The following SPATA21 variants were observed in gnomAD, a reference collection of about 807,000 sequenced individuals.
The protein encoded by SPATA21 is spermatogenesis-associated protein 21.
In SPATA21, 47 loss-of-function variants were observed where a neutral mutation model predicts 54.8. That is an observed-to-expected ratio of 0.86 (90% CI 0.68 to 1.09). The LOEUF is 1.09. Ranked by LOEUF, SPATA21 falls within the 50% of genes least tolerant of loss-of-function variation. SPATA21 has a pLI of 0.00. For missense variants in SPATA21, 599 were observed against 596.4 expected (o/e 1.00, Z -0.05); for synonymous variants, 245 against 235.3 (o/e 1.04, Z -0.38).
intron 5 of SPATA21, among the ~76,000 whole-genome samples, chr1:16,414,332 G>C (rs531404562): frequency 3.9e-5 from 6 of 152,090 alleles, no homozygotes; most frequent in African/African-American, 1.4e-4. Flanking sequence ...GCCACTCAAA[G>C]TGTTGGGATT....
chr1:16,431,853 GGCT>G (rs2086465898), intron 2 of SPATA21, among the ~76,000 whole-genome samples: 6 of 152,142 alleles, frequency 3.9e-5, no homozygotes, highest in African/African-American at 1.2e-4. Flanking sequence ...AAATGATACA[GGCT>G]CTTTCCTGTA....
intron 5 of SPATA21, among the ~76,000 whole-genome samples, chr1:16,414,749 C>A (rs2100834649): frequency 6.6e-6 from 1 of 151,714 alleles, no homozygotes; most frequent in South Asian, 2.1e-4. Flanking sequence ...ACAAAATTAG[C>A]TGGGGTTGTT....
chr1:16,398,352 G>T (rs1217197958), downstream of SPATA21, among the ~76,000 whole-genome samples: 1 of 152,070 alleles, frequency 6.6e-6, no homozygotes, highest in Non-Finnish European at 1.5e-5. Context: ...CTCTGTCGGG[G>T]GAGCATGCAG....
In SPATA21 at chr1:16,409,266, G is replaced by T. The variant is rs145148928; in HGVS notation, c.588-63C>A. The T allele has an allele frequency of 3.1e-4, 489 of 1,586,958 alleles. No homozygotes were observed. The African/African-American group carries it at 6.0e-3, about 20-fold the overall frequency. On this transcript the variant is annotated intron_variant, in intron 6 of 12. Transcript: ENST00000335496. This position sits in a 1 kb window ranked among gnomAD's most constrained non-coding sequence, Gnocchi z 4.1. ...GCCGCCCACCCTGCTGATAGCTAGGGGAGGGGTTGGGGGAGCCTGCAGGAG... is the reference window on the plus strand; with the variant it reads ...GCCGCCCACCCTGCTGATAGCTAGGTGAGGGGTTGGGGGAGCCTGCAGGAG...
intron 3 of SPATA21, among the ~76,000 whole-genome samples, chr1:16,423,539 C>CTTTTTTTT (rs966239575): frequency 9.0e-6 from 1 of 111,662 alleles, no homozygotes. Context: ...TCTCTCTCTC[C>CTTTTTTTT]TTTTTTTTTT....
In SPATA21 at chr1:16,432,893, T is replaced by G. The variant is rs1185169922; in HGVS notation, c.-155A>C. ...CTGGAAACCTTTGTAAACAGTATTC[T>G]CCTAACAGCCCTGTGAAGTCTGGGT... On this transcript the variant is annotated 5_prime_UTR_variant, in exon 2 of 13. Transcript: ENST00000335496. The G allele has an allele frequency of 6.6e-6, 1 of 152,190 alleles. No individual in the cohort carries two copies. Among genetic ancestry groups the G allele is most frequent in the African/African-American group, 2.4e-5 (1 of 41,444 alleles). The allele number at this position is 152,190 out of a possible 1,614,324, so 9.4% of individuals were successfully genotyped here. A position where few individuals can be genotyped will look rare whatever the true frequency, so the allele number is the denominator to read the frequency against.
intron 11 of SPATA21, chr1:16,400,429 GGAT>G: frequency 2.7e-6 from 3 of 1,112,932 alleles, no homozygotes; most frequent in Non-Finnish European, 2.2e-6. Flanking sequence ...CAGTGAGCTG[GGAT>G]TGCTAATCTC....
At chr1:16,400,046 GAC>G (rs2085396506) in intron 11 of SPATA21, among the ~76,000 whole-genome samples, 1 of 151,122 alleles carries the variant, frequency 6.6e-6, no homozygotes, top group Non-Finnish European at 1.5e-5. Flanking sequence ...TTTTTTTTGA[GAC>G]AGAGTTTTGC....
At chr1:16,403,529 C>T (rs1651643583) in intron 10 of SPATA21, among the ~76,000 whole-genome samples, 198 bp downstream of exon 10, 1 of 148,292 alleles carries the variant, frequency 6.7e-6, no homozygotes, top group Non-Finnish European at 1.5e-5. Flanking sequence ...CACTCTGTCA[C>T]CCAGGCTGGA....
chr1:16,425,521 T>G, intron 3 of SPATA21: 1 of 1,548,594 alleles, frequency 6.5e-7, no homozygotes, highest in Non-Finnish European at 8.7e-7. Context: ...TCTCCTAGGT[T>G]ACCTGGCAGC....
chr1:16,421,144 G>T lies in SPATA21; in HGVS notation c.144+365C>A, dbSNP rs185210121. On this transcript the variant is annotated intron_variant, in intron 5 of 12. Transcript: ENST00000335496. The surrounding 1 kb of genome is among the most constrained non-coding windows in gnomAD (Gnocchi z 5.2). ...GGAAGGATGGCTGGGAGGGGTCGGGGAAGCCTCCCAGGTGTTCAGGGATGC... is the reference window on the plus strand; with the variant it reads ...GGAAGGATGGCTGGGAGGGGTCGGGTAAGCCTCCCAGGTGTTCAGGGATGC... Among the ~76,000 whole-genome samples, 30 of 152,164 alleles carry T rather than the reference G, an allele frequency of 2.0e-4. No homozygotes were observed. The highest frequency in any genetic ancestry group is 2.9e-4 in the Non-Finnish European group (20 of 67,968).
chr1:16,433,309 A>G (rs1259733667), intron 1 of SPATA21, among the ~76,000 whole-genome samples: 1 of 152,156 alleles, frequency 6.6e-6, no homozygotes, highest in Non-Finnish European at 1.5e-5. Flanking sequence ...AGCAGACCTC[A>G]GCTGGTTTGG....
intron 3 of SPATA21, among the ~76,000 whole-genome samples, chr1:16,427,332 A>G (rs145498569): frequency 7.9e-5 from 12 of 152,276 alleles, no homozygotes; most frequent in Non-Finnish European, 1.3e-4. Flanking sequence ...GCTTCTGGTT[A>G]TAGTCAAATC....
Position 16,431,600 on chromosome 1 carries a change from G to A in SPATA21, c.-51-178C>T, listed in dbSNP as rs550692264. ...CTAGCCACATGCCATTTACCCATAC[G>A]CTTTTCCTAGTTCTCACTATGACCC... is the stretch of plus-strand genomic sequence containing the variant. On this transcript the variant is annotated intron_variant, in intron 2 of 12. Transcript: ENST00000335496. 9.9e-5 allele frequency among the ~76,000 whole-genome samples: 15 copies of A among 152,210 alleles called. No individual in the cohort carries two copies. The East Asian group carries it at 1.5e-3, about 16-fold the overall frequency.
intron 5 of SPATA21, among the ~76,000 whole-genome samples, chr1:16,411,586 C>A (rs1038714971): frequency 3.9e-5 from 6 of 151,968 alleles, no homozygotes; most frequent in African/African-American, 1.5e-4. Context: ...GTCAGGAGAT[C>A]GAGACCATCT....
chr1:16,433,690 T>C (rs1361060414), intron 1 of SPATA21, among the ~76,000 whole-genome samples: 1 of 152,164 alleles, frequency 6.6e-6, no homozygotes, highest in African/African-American at 2.4e-5. Context: ...TCTGTCCACA[T>C]CTGGAGCTTG....
At chr1:16,427,878 A>C (rs1190289729) in intron 3 of SPATA21, 1 of 1,548,690 alleles carries the variant, frequency 6.5e-7, no homozygotes, top group Non-Finnish European at 8.7e-7. Flanking sequence ...GTCTTGCTGG[A>C]GGCCCCTGCT....
intron 5 of SPATA21, among the ~76,000 whole-genome samples, chr1:16,412,430 T>C (rs908241754): frequency 2.0e-5 from 3 of 152,162 alleles, no homozygotes; most frequent in African/African-American, 7.2e-5. Flanking sequence ...CCAACTTTTT[T>C]TTTCTGTGAT....
At chr1:16,410,067 G>C in intron 5 of SPATA21, 24 bp from the exon 6 acceptor site, 1 of 1,522,028 alleles carries the variant, frequency 6.6e-7, no homozygotes, top group Non-Finnish European at 8.8e-7. Flanking sequence ...AGGGGATCCA[G>C]GAGGCCTCTA....
Sources: gnomAD v4.1 joint callset for allele counts (sites outside exome capture counted in the v4.1 genomes callset) on GRCh38, gnomAD v4.1.1 for gene constraint, Gnocchi (gnomAD v3.1) non-coding constraint, MANE v1.5 for transcripts, NCBI Gene and HGNC (gene_info 2026-07-23, HGNC 2026-07-21) for gene names.